FOXP2: variants seen among roughly 807,000 people sequenced by gnomAD.
The protein encoded by FOXP2 is forkhead box protein P2.
A neutral mutation model predicts 115.8 loss-of-function variants in FOXP2; 12 were observed. The ratio of observed to expected loss-of-function variants is 0.10; its 90% CI spans 0.07 to 0.17. The LOEUF is 0.17. Ranked by LOEUF, FOXP2 falls within the 10% of genes least tolerant of loss-of-function variation. FOXP2 has a pLI of 1.00. For missense variants in FOXP2, 629 were observed against 843.5 expected, an observed-to-expected ratio of 0.75 and a Z score of 3.15; for synonymous variants, 328 against 297.7, an observed-to-expected ratio of 1.10 and a Z score of -1.05.
intron 1 of FOXP2, among the ~76,000 whole-genome samples, chr7:114,177,003 T>A (rs1429800513): frequency 6.6e-6 from 1 of 152,144 alleles, no homozygotes; most frequent in Non-Finnish European, 1.5e-5. Flanking sequence ...TGTATGAACT[T>A]CCTCCCTGTT....
chr7:114,481,794 A>ATCTATCTATCTG (rs1554402619), intron 2 of FOXP2, among the ~76,000 whole-genome samples: 1 of 150,774 alleles, frequency 6.6e-6, no homozygotes, highest in Non-Finnish European at 1.5e-5. Flanking sequence ...CTATCTATCT[A>ATCTATCTATCTG]TCTATCTATC....
At position 114,690,031 on chromosome 7, in the gene FOXP2, G is replaced by A; in HGVS notation, c.*105G>A. On this transcript the variant is annotated 3_prime_UTR_variant, in exon 17 of 17. Transcript: ENST00000350908. ...AATTTTTACTGTGACTATTTATTAA[G>A]CATGGATAAAGGAGACAGCCCTAAA... The A allele has an allele frequency of 1.4e-6, 2 of 1,416,122 alleles. No homozygotes were observed. The highest frequency in any genetic ancestry group is 2.0e-6 in the Non-Finnish European group (2 of 1,014,918). 87.7% of individuals were successfully genotyped at this position (1,416,122 alleles called of 1,614,324 possible). A position where few individuals can be genotyped will look rare whatever the true frequency, so the allele number is the denominator to read the frequency against.
At chr7:114,339,194 A>G (rs980250663) in intron 2 of FOXP2, among the ~76,000 whole-genome samples, 1 of 151,124 alleles carries the variant, frequency 6.6e-6, no homozygotes, top group Non-Finnish European at 1.5e-5. Flanking sequence ...GTTCTGTTTT[A>G]TGAATGTTGT....
intron 1 of FOXP2, among the ~76,000 whole-genome samples, chr7:114,241,553 G>T (rs1287389658): frequency 6.6e-6 from 1 of 151,870 alleles, no homozygotes; most frequent in Admixed American, 6.6e-5. Context: ...CCTTCATATG[G>T]GTAGTATTTT....
intron 6 of FOXP2, among the ~76,000 whole-genome samples, chr7:114,632,732 A>G (rs776922930): frequency 6.6e-6 from 1 of 152,056 alleles, no homozygotes; most frequent in Non-Finnish European, 1.5e-5. Flanking sequence ...CTTGACTTCA[A>G]ATCTTCTAAT....
intron 2 of FOXP2, among the ~76,000 whole-genome samples, chr7:114,503,192 A>AT (rs935578034): frequency 4.0e-5 from 6 of 151,866 alleles, no homozygotes; most frequent in African/African-American, 1.4e-4. Context: ...TCAGTCTGCT[A>AT]TTTTTTATAC....
At chr7:114,494,748 C>T (rs966161992) in intron 2 of FOXP2, among the ~76,000 whole-genome samples, 3 of 151,992 alleles carry the variant, frequency 2.0e-5, no homozygotes, top group Non-Finnish European at 4.4e-5. Context: ...TCTAATATCT[C>T]TGTTAACAAA....
intron 1 of FOXP2, chr7:114,285,499 T>G (rs1796445768): frequency 1.3e-5 from 2 of 152,130 alleles, no homozygotes; most frequent in South Asian, 4.1e-4. Context: ...GCTAATATAT[T>G]TTACAGTAGA....
In FOXP2 at chr7:114,231,210, A is replaced by G. The variant is rs1794867484; in HGVS notation, c.-101-56809A>G. 2.0e-5 allele frequency among the ~76,000 whole-genome samples: 3 copies of G among 152,102 alleles called. No individual in the cohort carries two copies. The South Asian group carries it at 6.2e-4, about 31-fold the overall frequency. On this transcript the variant is annotated intron_variant, in intron 1 of 17. Transcript: ENST00000634411. ...AGACTTGCACACTAAAAACTACAAA[A>G]TATTACTGAAAGAATTGAAGAGACA...
Position 114,692,930 on chromosome 7 carries a change from A to C in FOXP2, c.*3004A>C, listed in dbSNP as rs1266004296. 1 of 453,850 alleles carries C rather than the reference A, an allele frequency of 2.2e-6. No homozygotes were observed. The highest frequency in any genetic ancestry group is 1.6e-5 in the South Asian group (1 of 64,468). The allele number at this position is 453,850 out of a possible 1,614,324, so 28.1% of individuals were successfully genotyped here. ...TTAGAAGTCATGGTTGAGAATTGTAACAGCTGTTATTCGTTCTGTATTCAT... is the reference window on the plus strand; with the variant it reads ...TTAGAAGTCATGGTTGAGAATTGTACCAGCTGTTATTCGTTCTGTATTCAT... On this transcript the variant is annotated 3_prime_UTR_variant, in exon 17 of 17. Coordinates refer to ENST00000350908, the MANE Select transcript of FOXP2 (RefSeq NM_014491.4).
chr7:114,147,450 A>G (rs1246466479), intron 1 of FOXP2, among the ~76,000 whole-genome samples: 1 of 152,180 alleles, frequency 6.6e-6, no homozygotes, highest in East Asian at 1.9e-4. Context: ...TTTAAAGCAG[A>G]CATGGTGCAG....
intron 2 of FOXP2, among the ~76,000 whole-genome samples, chr7:114,439,915 G>C (rs993047806): frequency 4.6e-5 from 7 of 152,060 alleles, no homozygotes; most frequent in African/African-American, 1.7e-4. Context: ...GAGCTTTATA[G>C]TTTATCTTTG....
chr7:114,627,222 G>A (rs1214275453), intron 3 of FOXP2, among the ~76,000 whole-genome samples: 3 of 150,800 alleles, frequency 2.0e-5, no homozygotes, highest in Non-Finnish European at 4.4e-5. Context: ...GTGCCACACT[G>A]GAAAAGTTTG....
rs3997270 is a variant in FOXP2, at chr7:114,243,916, G to GTTT, written c.-101-44093_-101-44091dup. ...AGGTAACAAGCATGGTTTTTAGCTT[G>GTTT]TTTTTTTTTTTTGTTTTGTTTTTGT... is the stretch of plus-strand genomic sequence containing the variant. On this transcript the variant is annotated intron_variant, in intron 1 of 17. Transcript: ENST00000634411. 3.5e-3 allele frequency among the ~76,000 whole-genome samples: 508 copies of GTTT among 144,636 alleles called. 5 individuals carry two copies. Among genetic ancestry groups the GTTT allele is most frequent in the African/African-American group, 0.012 (479 of 39,706 alleles). 94.9% of individuals were successfully genotyped at this position (144,636 alleles called of 152,430 possible).
chr7:114,231,339 C>A (rs570859960), intron 1 of FOXP2, among the ~76,000 whole-genome samples: 1 of 152,080 alleles, frequency 6.6e-6, no homozygotes, highest in African/African-American at 2.4e-5. Flanking sequence ...ATTAAAATCC[C>A]AATGCATTTG....
rs74349133 is a variant in FOXP2, at chr7:114,589,017, C to G, written c.259-39523C>G. 8.9e-3 allele frequency among the ~76,000 whole-genome samples: 1,351 copies of G among 152,148 alleles called. 10 individuals are homozygous for G. The highest frequency in any genetic ancestry group is 0.013 in the Non-Finnish European group (915 of 67,998). On this transcript the variant is annotated intron_variant, in intron 3 of 16. Transcript: ENST00000350908. ...ATCTTTATTACTCAAAAAATAAACT[C>G]GAGTATATATTTTTTCTATCTATTG...
Position 114,566,998 on chromosome 7 carries a change from G to A in FOXP2, c.258+32292G>A, listed in dbSNP as rs73208669. Among the ~76,000 whole-genome samples the A allele has an allele frequency of 6.4e-3, 976 of 151,704 alleles. 12 individuals are homozygous for A. Among genetic ancestry groups the A allele is most frequent in the East Asian group, 8.7e-3 (45 of 5,174 alleles). ...TAAATATGAACACACCTATATTAAC[G>A]TCTTGCTTTGCTGCACCAGGTTTCT... On this transcript the variant is annotated intron_variant, in intron 3 of 16. Coordinates refer to ENST00000350908, the MANE Select transcript of FOXP2 (RefSeq NM_014491.4).
intron 2 of FOXP2, among the ~76,000 whole-genome samples, chr7:114,529,186 A>C (rs1584856522): frequency 6.6e-6 from 1 of 151,572 alleles, no homozygotes; most frequent in Non-Finnish European, 1.5e-5. Flanking sequence ...TCCCTTTTAA[A>C]CTCATTCTAC....
chr7:114,539,342 C>A (rs1799546405), intron 3 of FOXP2, among the ~76,000 whole-genome samples: 2 of 151,770 alleles, frequency 1.3e-5, no homozygotes, highest in South Asian at 4.1e-4. Context: ...TTCAATATTA[C>A]TTTTAAATAT....
Sources: gnomAD v4.1 joint callset for allele counts (sites outside exome capture counted in the v4.1 genomes callset) on GRCh38, gnomAD v4.1.1 for gene constraint, MANE v1.5 for transcripts, NCBI Gene and HGNC (gene_info 2026-07-23, HGNC 2026-07-21) for gene names.